COL21A1: variants seen among roughly 807,000 people sequenced by gnomAD.
The protein encoded by COL21A1 is collagen type XXI alpha 1 chain, also known as collagen alpha-1(XXI) chain.
A neutral mutation model predicts 137.9 loss-of-function variants in COL21A1; 149 were observed. That is an observed-to-expected ratio of 1.08 (90% confidence interval 0.95 to 1.24). COL21A1 has a LOEUF of 1.24. Among genes scored for constraint, COL21A1 ranks in the 50% most tolerant of loss-of-function variants. The pLI is 0.00. For missense variants in COL21A1, 1,167 were observed against 1,158.4 expected, an observed-to-expected ratio of 1.01 and a Z score of -0.11; for synonymous variants, 456 against 391.5, an observed-to-expected ratio of 1.16 and a Z score of -1.95.
intron 1 of COL21A1, among the ~76,000 whole-genome samples, chr6:56,336,874 A>G (rs900981313): frequency 3.3e-5 from 5 of 152,208 alleles, no homozygotes; most frequent in Non-Finnish European, 7.4e-5. Flanking sequence ...TCTAGCCCAA[A>G]ACAATGGGTG....
intron 1 of COL21A1, among the ~76,000 whole-genome samples, chr6:56,368,096 T>G (rs1042229094): frequency 2.6e-5 from 4 of 152,186 alleles, no homozygotes; most frequent in Non-Finnish European, 4.4e-5. Flanking sequence ...GAAAAAAAAT[T>G]TTAACCTTTT....
At chr6:56,200,609 C>T (rs998737645) in intron 1 of COL21A1, among the ~76,000 whole-genome samples, 2 of 151,876 alleles carry the variant, frequency 1.3e-5, no homozygotes, top group African/African-American at 4.8e-5. Context: ...CAGCTTCATT[C>T]ATGTCCCTAC....
At position 56,325,592 on chromosome 6, in the gene COL21A1, A is replaced by ATATATAATATAT. The variant is rs1356902864; in HGVS notation, c.-39+68367_-39+68378dup. ...ATTATCTATAATATATATCTATAAT[A>ATATATAATATAT]TATATAATATATTATCTATTATATA... On this transcript the variant is annotated intron_variant, in intron 1 of 28. Coordinates refer to the COL21A1 transcript ENST00000370819. 1.0e-4 allele frequency among the ~76,000 whole-genome samples: 3 copies of ATATATAATATAT among 29,326 alleles called. 1 individual carries two copies. The highest frequency in any genetic ancestry group is 2.1e-4 in the Non-Finnish European group (3 of 14,388). The allele number at this position is 29,326 out of a possible 152,430, so 19.2% of individuals were successfully genotyped here.
chr6:56,235,172 A>G (rs1264950970), intron 1 of COL21A1, among the ~76,000 whole-genome samples: 1 of 151,968 alleles, frequency 6.6e-6, no homozygotes, highest in Non-Finnish European at 1.5e-5. Flanking sequence ...TGGTATAAGT[A>G]ATCTGTATAT....
chr6:56,073,522 C>A (rs1766946872), intron 20 of COL21A1, among the ~76,000 whole-genome samples: 2 of 151,498 alleles, frequency 1.3e-5, no homozygotes, highest in Admixed American at 6.6e-5. Flanking sequence ...TCTAAAATAG[C>A]AATTCCATCA....
intron 1 of COL21A1, among the ~76,000 whole-genome samples, chr6:56,277,431 C>T (rs1325705006): frequency 6.6e-6 from 1 of 152,172 alleles, no homozygotes; most frequent in Non-Finnish European, 1.5e-5. Flanking sequence ...TTCTTTAATA[C>T]TTGAACCATT....
intron 2 of COL21A1, 129 bp downstream of exon 2, chr6:56,182,402 T>C (rs1777969130): frequency 1.6e-6 from 1 of 634,258 alleles, no homozygotes. Context: ...AGCAATTCAT[T>C]TATTTTAGGG....
chr6:56,382,537 G>A lies in COL21A1; in HGVS notation c.-39+11434C>T, dbSNP rs60427163. On this transcript the variant is annotated intron_variant, in intron 1 of 28. Coordinates refer to the COL21A1 transcript ENST00000370819. ...AACCTTCAAAGGGACTGTGTTTGGAGATAGGGCTTTTAGGAGGTAATTGTG... is the reference window on the plus strand; with the variant it reads ...AACCTTCAAAGGGACTGTGTTTGGAAATAGGGCTTTTAGGAGGTAATTGTG... Among the ~76,000 whole-genome samples, 386 of 152,286 alleles carry A rather than the reference G, an allele frequency of 2.5e-3. 1 individual carries two copies. The highest frequency in any genetic ancestry group is 9.0e-3 in the African/African-American group (374 of 41,556).
At chr6:56,378,420 G>C (rs1292906803) in intron 1 of COL21A1, among the ~76,000 whole-genome samples, 1 of 152,160 alleles carries the variant, frequency 6.6e-6, no homozygotes, top group Non-Finnish European at 1.5e-5. Context: ...GACTTTAAGG[G>C]TACTTTGGAG....
At chr6:56,182,393 G>T in intron 2 of COL21A1, 138 bp downstream of exon 2, 1 of 616,820 alleles carries the variant, frequency 1.6e-6, no homozygotes, top group Non-Finnish European at 2.9e-6. Context: ...GAGTAACATA[G>T]CAATTCATTT....
At chr6:56,156,618 C>T (rs1442225353) in intron 10 of COL21A1, among the ~76,000 whole-genome samples, 1 of 148,942 alleles carries the variant, frequency 6.7e-6, no homozygotes, top group East Asian at 2.0e-4. Context: ...CAGAGGAAAA[C>T]ATTTGCAAAC....
intron 1 of COL21A1, among the ~76,000 whole-genome samples, chr6:56,274,229 A>C (rs1763589825): frequency 1.3e-5 from 2 of 152,214 alleles, no homozygotes; most frequent in African/African-American, 4.8e-5. Context: ...AAATAATAGG[A>C]GCCATCTATG....
intron 1 of COL21A1, among the ~76,000 whole-genome samples, chr6:56,342,039 T>C (rs1582793962): frequency 6.6e-6 from 1 of 152,250 alleles, no homozygotes; most frequent in Non-Finnish European, 1.5e-5. Flanking sequence ...CCCTCCCCTG[T>C]TCCAAATAGC....
At chr6:56,188,146 A>G (rs1181641046) in intron 1 of COL21A1, among the ~76,000 whole-genome samples, 1 of 152,226 alleles carries the variant, frequency 6.6e-6, no homozygotes, top group East Asian at 1.9e-4. Context: ...TCCAATGTTT[A>G]CATGTATATG....
At chr6:56,312,815 G>A (rs1240657995) in intron 1 of COL21A1, among the ~76,000 whole-genome samples, 3 of 152,132 alleles carry the variant, frequency 2.0e-5, no homozygotes, top group African/African-American at 7.2e-5. Flanking sequence ...GTACCACTGA[G>A]ACCACTGAGG....
At chr6:56,361,700 A>T (rs1581774452) in intron 1 of COL21A1, among the ~76,000 whole-genome samples, 1 of 152,320 alleles carries the variant, frequency 6.6e-6, no homozygotes, top group East Asian at 1.9e-4. Context: ...AGCATAAAAA[A>T]AAATCAAAAA....
chr6:56,302,011 GA>G (rs1764308466), intron 1 of COL21A1, among the ~76,000 whole-genome samples: 1 of 152,044 alleles, frequency 6.6e-6, no homozygotes, highest in South Asian at 2.1e-4. Context: ...AGTTTGCTGA[GA>G]ATGATGGTTT....
At chr6:56,141,233 T>C (rs968054573) in intron 12 of COL21A1, among the ~76,000 whole-genome samples, 2 of 152,186 alleles carry the variant, frequency 1.3e-5, no homozygotes, top group African/African-American at 4.8e-5. Context: ...GTGGTATATA[T>C]ACATAATGGA....
At chr6:56,124,651 T>TTTGC (rs930436386) in intron 14 of COL21A1, among the ~76,000 whole-genome samples, 1 of 152,052 alleles carries the variant, frequency 6.6e-6, no homozygotes, top group Non-Finnish European at 1.5e-5. Context: ...TGTTTGTTTG[T>TTTGC]TTGTTTTTGA....
Sources: allele counts gnomAD v4.1 joint callset (sites outside exome capture counted in the v4.1 genomes callset), GRCh38; gene constraint gnomAD v4.1.1; transcripts MANE v1.5; gene names NCBI Gene and HGNC (gene_info 2026-07-23, HGNC 2026-07-21).